Variants in ADAM23 observed in about 807,000 individuals in gnomAD.
ADAM23 encodes the protein disintegrin and metalloproteinase domain-containing protein 23.
ADAM23 carries 33 observed loss-of-function variants against 120.1 expected under a neutral mutation model. The ratio of observed to expected loss-of-function variants is 0.27; its 90% CI spans 0.21 to 0.37. ADAM23 has a LOEUF of 0.37. ADAM23 is among the 10% of genes least tolerant of loss of function. The pLI, the probability that ADAM23 is intolerant of heterozygous loss-of-function variation, is 1.00. For missense variants in ADAM23, 862 were observed against 1,058.2 expected (o/e 0.81, Z 2.57); for synonymous variants, 367 against 375.2 (o/e 0.98, Z 0.25).
At chr2:206,609,694 A>G (rs187210097) in intron 24 of ADAM23, 38 of 488,094 alleles carry the variant, frequency 7.8e-5, no homozygotes, top group Admixed American at 1.3e-4. Context: ...TTAATTGTCA[A>G]TGGTGCAGAA....
In ADAM23 at chr2:206,562,334, C is replaced by G. The variant is rs753256596; in HGVS notation, c.1345+41C>G. On this transcript the variant is annotated intron_variant, in intron 13 of 25. Coordinates refer to ENST00000264377, the MANE Select transcript of ADAM23 (RefSeq NM_003812.4). ...TTCTTACTCATTTTCATGTGCCATTCTGTCTGTATAATGCATGTCCAGTCA... is the reference window on the plus strand; with the variant it reads ...TTCTTACTCATTTTCATGTGCCATTGTGTCTGTATAATGCATGTCCAGTCA... 12 of 1,480,014 alleles carry G rather than the reference C, an allele frequency of 8.1e-6. No individual in the cohort carries two copies. In the South Asian group the frequency reaches 1.4e-4, roughly 17 times the overall value. The allele number at this position is 1,480,014 out of a possible 1,614,324, so 91.7% of individuals were successfully genotyped here.
At chr2:206,473,749 A>G (rs575845773) in intron 2 of ADAM23, among the ~76,000 whole-genome samples, 20 of 152,010 alleles carry the variant, frequency 1.3e-4, no homozygotes, top group Admixed American at 1.2e-3. Flanking sequence ...GCTCACACCT[A>G]TAATCCCAGC....
At chr2:206,566,019 C>T (rs948345594) in intron 14 of ADAM23, among the ~76,000 whole-genome samples, 4 of 151,960 alleles carry the variant, frequency 2.6e-5, no homozygotes, top group African/African-American at 4.8e-5. Context: ...TTAGCTTCCA[C>T]GGTTCCCTAT....
intron 3 of ADAM23, among the ~76,000 whole-genome samples, chr2:206,489,439 G>A (rs1185797776): frequency 1.3e-5 from 2 of 152,140 alleles, no homozygotes; most frequent in Non-Finnish European, 2.9e-5. Flanking sequence ...CTGGGCCTTA[G>A]TCCGAAGGAA....
rs779809064 is a variant in ADAM23, at chr2:206,485,917, C to T, written c.509+4609C>T. ...TGGTTGTCAAAGAGGAGCCACAACA[C>T]GTTGCTGGAAGGCTGAGGGTTCTGC... On this transcript the variant is annotated intron_variant, in intron 3 of 25. Coordinates refer to ENST00000264377, the MANE Select transcript of ADAM23 (RefSeq NM_003812.4). Among the ~76,000 whole-genome samples the T allele has an allele frequency of 7.9e-5, 12 of 152,288 alleles. No individual in the cohort carries two copies. In the East Asian group the frequency reaches 9.6e-4, roughly 12 times the overall value.
At chr2:206,552,054 T>A (rs1697538583) in intron 9 of ADAM23, among the ~76,000 whole-genome samples, 1 of 152,216 alleles carries the variant, frequency 6.6e-6, no homozygotes, top group Non-Finnish European at 1.5e-5. Flanking sequence ...TTTTTGTTGA[T>A]TGGAACATTG....
chr2:206,516,498 G>C (rs975984036), intron 3 of ADAM23, among the ~76,000 whole-genome samples: 1 of 152,034 alleles, frequency 6.6e-6, no homozygotes, highest in African/African-American at 2.4e-5. Context: ...GGCACCTCAA[G>C]ATTTAGTGGC....
intron 2 of ADAM23, among the ~76,000 whole-genome samples, chr2:206,446,718 C>T (rs1461773546): frequency 6.6e-6 from 1 of 152,026 alleles, no homozygotes; most frequent in Non-Finnish European, 1.5e-5. Context: ...GGTGAACTTT[C>T]TTTCACATTA....
chr2:206,606,104 C>T (rs898425962), intron 24 of ADAM23, among the ~76,000 whole-genome samples: 5 of 152,160 alleles, frequency 3.3e-5, no homozygotes, highest in Admixed American at 6.6e-5. Flanking sequence ...GGTGTGCTTC[C>T]GATATCTTCA....
At chr2:206,556,398 A>G (rs1697643511) in intron 9 of ADAM23, among the ~76,000 whole-genome samples, 1 of 152,232 alleles carries the variant, frequency 6.6e-6, no homozygotes, top group Admixed American at 6.5e-5. Context: ...TTTCTAATGT[A>G]GAAATATTTT....
At chr2:206,468,868 G>A (rs935641099) in intron 2 of ADAM23, among the ~76,000 whole-genome samples, 2 of 152,186 alleles carry the variant, frequency 1.3e-5, no homozygotes, top group Admixed American at 6.5e-5. Context: ...TGCTTCTGGG[G>A]AAGCCTCAGG....
At chr2:206,463,001 G>A (rs1454167658) in intron 2 of ADAM23, among the ~76,000 whole-genome samples, 1 of 152,196 alleles carries the variant, frequency 6.6e-6, no homozygotes, top group African/African-American at 2.4e-5. Context: ...TGTCCAGGCA[G>A]TGATGGTGTG....
At chr2:206,461,536 G>T (rs1695419981) in intron 2 of ADAM23, among the ~76,000 whole-genome samples, 1 of 152,128 alleles carries the variant, frequency 6.6e-6, no homozygotes, top group Non-Finnish European at 1.5e-5. Context: ...GGTTGGGTTA[G>T]ATTTGGGAAT....
At chr2:206,604,946 A>G (rs531302517) in intron 24 of ADAM23, among the ~76,000 whole-genome samples, 1 of 152,222 alleles carries the variant, frequency 6.6e-6, no homozygotes, top group Non-Finnish European at 1.5e-5. Context: ...GCACACAGGC[A>G]CAGACACACA....
chr2:206,520,913 C>T (rs577520621), intron 3 of ADAM23, among the ~76,000 whole-genome samples: 15 of 152,050 alleles, frequency 9.9e-5, no homozygotes, highest in South Asian at 4.2e-4. Flanking sequence ...CACTGATGCC[C>T]CAGCTCAACT....
chr2:206,529,842 C>T (rs1050084008), intron 3 of ADAM23, among the ~76,000 whole-genome samples: 1 of 151,536 alleles, frequency 6.6e-6, no homozygotes, highest in Non-Finnish European at 1.5e-5. Context: ...GATGGAGTCT[C>T]ACTCTGTCTC....
intron 2 of ADAM23, among the ~76,000 whole-genome samples, chr2:206,454,117 C>G (rs1233331940): frequency 6.6e-6 from 1 of 152,134 alleles, no homozygotes; most frequent in African/African-American, 2.4e-5. Flanking sequence ...CATTCTCACA[C>G]TGCTATAAAG....
intron 4 of ADAM23, among the ~76,000 whole-genome samples, chr2:206,539,661 G>C (rs1293091411): frequency 6.6e-6 from 1 of 152,174 alleles, no homozygotes; most frequent in Non-Finnish European, 1.5e-5. Context: ...ATGATTGCCA[G>C]TGCCCTTAAG....
intron 3 of ADAM23, among the ~76,000 whole-genome samples, chr2:206,524,503 C>G (rs1225683580): frequency 6.6e-6 from 1 of 152,206 alleles, no homozygotes; most frequent in East Asian, 1.9e-4. Flanking sequence ...TCCATTTTCA[C>G]TCTGCTAATA....
Sources: gnomAD v4.1 joint callset for allele counts (sites outside exome capture counted in the v4.1 genomes callset) on GRCh38, gnomAD v4.1.1 for gene constraint, MANE v1.5 for transcripts, NCBI Gene and HGNC (gene_info 2026-07-23, HGNC 2026-07-21) for gene names.